The following FMN1 variants were observed in gnomAD, a reference collection of about 807,000 sequenced individuals.
FMN1 encodes formin-1.
A neutral mutation model predicts 132.4 loss-of-function variants in FMN1; 110 were observed. The observed-to-expected ratio is 0.83, with a 90% CI of 0.71 to 0.97. The LOEUF (loss-of-function observed/expected upper bound fraction) is 0.97. Among genes scored for constraint, FMN1 ranks in the 50% least tolerant of loss-of-function variants. The probability of loss-of-function intolerance (pLI) is 0.00; values close to 1 mark genes in which losing one functional copy is unlikely to be tolerated. For missense variants in FMN1, 1,792 were observed against 1,705.3 expected, an observed-to-expected ratio of 1.05 and a Z score of -0.90; for synonymous variants, 722 against 651.7, an observed-to-expected ratio of 1.11 and a Z score of -1.64.
Position 33,028,903 on chromosome 15 carries a change from A to G in FMN1, c.2162-20828T>C, listed in dbSNP as rs181078201. On this transcript the variant is annotated intron_variant, in intron 6 of 20. Coordinates refer to ENST00000616417, the MANE Select transcript of FMN1 (RefSeq NM_001277313.2). ...TATTGATCCGACGCTAGTCCAAACA[A>G]CAAGTCATTTTCACTAGTTTGAAAA... Among the ~76,000 whole-genome samples, 15 of 152,352 alleles carry G rather than the reference A, an allele frequency of 9.8e-5. No homozygotes were observed. In the East Asian group the frequency reaches 2.5e-3, roughly 25 times the overall value.
intron 6 of FMN1, among the ~76,000 whole-genome samples, chr15:33,017,238 A>G (rs142599146): frequency 2.8e-4 from 42 of 152,286 alleles, no homozygotes; most frequent in Non-Finnish European, 5.0e-4. Flanking sequence ...ATGCTACTAT[A>G]ATAGTTGATA....
At chr15:32,937,588 G>A (rs2061307350) in intron 9 of FMN1, among the ~76,000 whole-genome samples, 1 of 152,170 alleles carries the variant, frequency 6.6e-6, no homozygotes, top group South Asian at 2.1e-4. Context: ...TTTCTGAGAG[G>A]CAAATGCTAT....
chr15:32,777,172 T>C (rs544927688), intron 19 of FMN1, among the ~76,000 whole-genome samples: 1 of 152,156 alleles, frequency 6.6e-6, no homozygotes, highest in African/African-American at 2.4e-5. Flanking sequence ...TTGTGAACAA[T>C]GTGGTAGTTT....
chr15:32,835,722 GGAAGATTCCCAGTGGTAAA>G (rs2058607524), intron 17 of FMN1, among the ~76,000 whole-genome samples: 2 of 152,164 alleles, frequency 1.3e-5, no homozygotes, highest in African/African-American at 4.8e-5. Flanking sequence ...ACACAGACAA[GGAAGATTCCCAGTGGTAAA>G]TGTCTGTGTG....
chr15:32,812,627 C>T (rs930735134), intron 17 of FMN1, among the ~76,000 whole-genome samples: 6 of 152,294 alleles, frequency 3.9e-5, no homozygotes, highest in Middle Eastern at 3.4e-3. Context: ...AACGCAGGTG[C>T]GCAACAGACA....
Position 32,798,912 on chromosome 15 carries a change from G to C in FMN1, c.4022C>G (p.Ser1341Cys). The C allele has an allele frequency of 6.2e-7, 1 of 1,613,644 alleles. No individual in the cohort carries two copies. Among genetic ancestry groups the C allele is most frequent in the Non-Finnish European group, 8.5e-7 (1 of 1,179,750 alleles). ...TVRYFGMKPK[S>C]GEKEITPSYV... ...GCTGGGTGTGATCTCCTTCTCACCA[G>C]ACTTTGGCTTCATCCCAAAATATCG... The change falls in exon 19 of 21, where the codon TCT (serine) becomes TGT (cysteine). Residue 1341 changes from serine (S) to cysteine (C), a missense_variant. Ser to Cys is a moderately radical substitution (Grantham distance 112, BLOSUM62 -1). This residue lies in a region of FMN1 where 1,150 missense variants were observed against 1,043.1 expected (regional missense o/e 1.10). Coordinates refer to ENST00000616417, the MANE Select transcript of FMN1 (RefSeq NM_001277313.2).
At chr15:33,194,094 C>G (rs1264777944) in intron 1 of FMN1, 34 bp from the exon 2 acceptor site, 1 of 147,672 alleles carries the variant, frequency 6.8e-6, no homozygotes, top group Non-Finnish European at 1.5e-5. Flanking sequence ...CAACAGATAC[C>G]TTTCTAGTCA....
chr15:32,927,619 T>G (rs2060994533), intron 9 of FMN1, among the ~76,000 whole-genome samples: 1 of 152,172 alleles, frequency 6.6e-6, no homozygotes, highest in African/African-American at 2.4e-5. Context: ...TCCACATACC[T>G]CATTGCCAGT....
At chr15:33,186,012 T>C (rs1340297410) in intron 2 of FMN1, among the ~76,000 whole-genome samples, 1 of 152,046 alleles carries the variant, frequency 6.6e-6, no homozygotes, top group Non-Finnish European at 1.5e-5. Flanking sequence ...TAAAGAAAAC[T>C]TAGACATTAT....
chr15:32,833,933 C>T (rs1353461425), intron 17 of FMN1, among the ~76,000 whole-genome samples: 1 of 152,180 alleles, frequency 6.6e-6, no homozygotes, highest in Non-Finnish European at 1.5e-5. Flanking sequence ...AGACCTTACA[C>T]TAAAAGGCAG....
intron 4 of FMN1, among the ~76,000 whole-genome samples, chr15:33,110,982 G>C (rs1479221926): frequency 6.6e-6 from 1 of 152,074 alleles, no homozygotes; most frequent in African/African-American, 2.4e-5. Flanking sequence ...GAGTAAATGA[G>C]TTAACACATG....
At chr15:32,900,292 T>G (rs972772996) in intron 13 of FMN1, 167 bp from the exon 14 acceptor site, 1 of 740,586 alleles carries the variant, frequency 1.4e-6, no homozygotes, top group Non-Finnish European at 2.4e-6. Flanking sequence ...ATGAGTGTCT[T>G]TACAAACACA....
chr15:33,077,090 G>A (rs757530347), intron 5 of FMN1, among the ~76,000 whole-genome samples: 1 of 152,158 alleles, frequency 6.6e-6, no homozygotes, highest in African/African-American at 2.4e-5. Context: ...GTGCAGTGGG[G>A]GCAATCTCAG....
intron 5 of FMN1, chr15:33,067,393 A>G (rs1404359448): frequency 6.2e-7 from 1 of 1,613,884 alleles, no homozygotes; most frequent in Non-Finnish European, 8.5e-7. Context: ...ACTTTGGGCC[A>G]TTGGTGCTGC....
At chr15:32,911,934 T>C (rs1157087510) in intron 10 of FMN1, among the ~76,000 whole-genome samples, 3 of 152,118 alleles carry the variant, frequency 2.0e-5, no homozygotes, top group Non-Finnish European at 4.4e-5. Context: ...ATCCACTAAT[T>C]TGTCAGACAC....
At chr15:33,170,859 T>C (rs950152055) in intron 3 of FMN1, among the ~76,000 whole-genome samples, 5 of 152,054 alleles carry the variant, frequency 3.3e-5, no homozygotes, top group Admixed American at 6.5e-5. Context: ...GATCTAGCAA[T>C]TCCAATCCCA....
chr15:32,811,496 T>C (rs1241820992), intron 17 of FMN1, among the ~76,000 whole-genome samples: 1 of 151,864 alleles, frequency 6.6e-6, no homozygotes, highest in African/African-American at 2.4e-5. Context: ...TAAAGGACAT[T>C]GTGTCACTAC....
intron 4 of FMN1, among the ~76,000 whole-genome samples, chr15:33,112,541 A>G (rs902566453): frequency 6.6e-6 from 1 of 152,180 alleles, no homozygotes; most frequent in East Asian, 1.9e-4. Context: ...TACCTGCAGC[A>G]AAGAATTTCA....
intron 6 of FMN1, among the ~76,000 whole-genome samples, chr15:33,013,780 C>T (rs1047373160): frequency 4.6e-5 from 7 of 152,166 alleles, no homozygotes; most frequent in African/African-American, 1.7e-4. Context: ...TAACCAATTC[C>T]AAGCTTCTAC....
Sources: allele counts gnomAD v4.1 joint callset (sites outside exome capture counted in the v4.1 genomes callset), GRCh38; gene constraint gnomAD v4.1.1; regional missense constraint gnomAD v4.1.1; transcripts MANE v1.5; gene names NCBI Gene and HGNC (gene_info 2026-07-23, HGNC 2026-07-21).